The following PREX1 variants were observed in gnomAD, a reference collection of about 807,000 sequenced individuals.
The protein encoded by PREX1 is phosphatidylinositol 3,4,5-trisphosphate-dependent Rac exchanger 1 protein.
Under a neutral mutation model 198.3 loss-of-function variants are expected in PREX1, and 41 were observed. The ratio of observed to expected loss-of-function variants is 0.21; its 90% CI spans 0.16 to 0.27. The LOEUF (loss-of-function observed/expected upper bound fraction) is 0.27, where lower values mean the gene tolerates loss of function less well. Among genes scored for constraint, PREX1 ranks in the 10% least tolerant of loss-of-function variants. The pLI is 1.00. For missense variants in PREX1, 1,620 were observed against 2,200.7 expected, an observed-to-expected ratio of 0.74 and a Z score of 5.28; for synonymous variants, 843 against 887.2, an observed-to-expected ratio of 0.95 and a Z score of 0.89.
At chr20:48,788,861 G>T (rs1186625762) in intron 1 of PREX1, among the ~76,000 whole-genome samples, 1 of 152,240 alleles carries the variant, frequency 6.6e-6, no homozygotes, top group East Asian at 1.9e-4. Context: ...GTAAGAAGAG[G>T]AAGAGAAACC....
chr20:48,650,573 C>A (rs1274607501), intron 23 of PREX1, among the ~76,000 whole-genome samples: 1 of 152,246 alleles, frequency 6.6e-6, no homozygotes, highest in Non-Finnish European at 1.5e-5. Context: ...GCCAAGCCAA[C>A]CAGAACTCCC....
intron 1 of PREX1, among the ~76,000 whole-genome samples, chr20:48,807,763 G>C (rs1226144653): frequency 6.6e-6 from 1 of 152,182 alleles, no homozygotes; most frequent in Non-Finnish European, 1.5e-5. Flanking sequence ...TGCCTCTTGT[G>C]TACGTGTGAC....
At chr20:48,772,615 A>G (rs1465798443) in intron 1 of PREX1, among the ~76,000 whole-genome samples, 1 of 152,236 alleles carries the variant, frequency 6.6e-6, no homozygotes, top group African/African-American at 2.4e-5. Context: ...CAGCGGGAGG[A>G]AAGGCGACAG....
intron 1 of PREX1, among the ~76,000 whole-genome samples, chr20:48,764,367 GT>G (rs1465272942): frequency 6.6e-6 from 1 of 152,178 alleles, no homozygotes; most frequent in Non-Finnish European, 1.5e-5. Context: ...CACGGAACCT[GT>G]GAATACACCA....
chr20:48,674,503 T>C (rs975118535), intron 14 of PREX1, among the ~76,000 whole-genome samples: 2 of 152,380 alleles, frequency 1.3e-5, no homozygotes, highest in African/African-American at 4.8e-5. Flanking sequence ...TTCTCATCTT[T>C]GGGAGCCAAT....
At chr20:48,706,259 C>T (rs972494065) in intron 6 of PREX1, among the ~76,000 whole-genome samples, 6 of 152,196 alleles carry the variant, frequency 3.9e-5, no homozygotes, top group Non-Finnish European at 7.3e-5. Flanking sequence ...GCTCAATACC[C>T]TCTCCTTTGG....
intron 39 of PREX1, among the ~76,000 whole-genome samples, chr20:48,626,585 G>A (rs1297603204): frequency 3.9e-5 from 6 of 152,206 alleles, no homozygotes; most frequent in East Asian, 3.8e-4. Flanking sequence ...TGGACAGTGC[G>A]TGGCACAGGG....
intron 14 of PREX1, among the ~76,000 whole-genome samples, chr20:48,675,600 C>T (rs1393701279): frequency 6.6e-6 from 1 of 152,136 alleles, no homozygotes; most frequent in Non-Finnish European, 1.5e-5. Context: ...TAGAATGGTG[C>T]TCATCGGGAC....
At chr20:48,809,397 T>A (rs1349530950) in intron 1 of PREX1, among the ~76,000 whole-genome samples, 1 of 152,168 alleles carries the variant, frequency 6.6e-6, no homozygotes, top group Admixed American at 6.5e-5. Flanking sequence ...CCCAGCACCC[T>A]GGGGGCTTCC....
intron 29 of PREX1, among the ~76,000 whole-genome samples, chr20:48,640,758 A>G (rs35010397): frequency 0.26 from 39,273 of 151,826 alleles, 5,176 homozygotes; most frequent in South Asian, 0.39. Context: ...ATGGACAGGT[A>G]GATGATGAAT....
At chr20:48,717,572 G>A (rs112375736) in intron 5 of PREX1, among the ~76,000 whole-genome samples, 1 of 151,102 alleles carries the variant, frequency 6.6e-6, no homozygotes, top group African/African-American at 2.4e-5. Context: ...GAAGTGAAGA[G>A]CTCCCCAGCA....
At chr20:48,714,096 C>T (rs1346075352) in intron 5 of PREX1, among the ~76,000 whole-genome samples, 2 of 152,148 alleles carry the variant, frequency 1.3e-5, no homozygotes, top group Non-Finnish European at 2.9e-5. Flanking sequence ...CAAAATGGAT[C>T]ACAGACCTAA....
Position 48,701,867 on chromosome 20 carries a change from C to T in PREX1, c.784-981G>A, listed in dbSNP as rs568474780. 2.6e-5 allele frequency among the ~76,000 whole-genome samples: 4 copies of T among 152,124 alleles called. No individual in the cohort carries two copies. In the East Asian group the frequency reaches 7.7e-4, roughly 29 times the overall value. Reference sequence around the variant, plus strand: ...TGAATGTCAGTGAGGTTCCGGGCAGCGTGGCTGGGAAAGGCATCAGGGAGG... The same window carrying T: ...TGAATGTCAGTGAGGTTCCGGGCAGTGTGGCTGGGAAAGGCATCAGGGAGG... On this transcript the variant is annotated intron_variant, in intron 6 of 39. Coordinates refer to ENST00000371941, the MANE Select transcript of PREX1 (RefSeq NM_020820.4).
chr20:48,803,549 G>GTGA (rs2090397018), intron 1 of PREX1, among the ~76,000 whole-genome samples: 1 of 152,144 alleles, frequency 6.6e-6, no homozygotes, highest in East Asian at 1.9e-4. Flanking sequence ...AAGACCAGCA[G>GTGA]CACCCCAATT....
rs575723037 is a variant in PREX1 at position 48,684,232 on chromosome 20, G to A, written c.1335-2897C>T. Among the ~76,000 whole-genome samples, 8 of 152,150 alleles carry A rather than the reference G, an allele frequency of 5.3e-5. No individual in the cohort carries two copies. Among genetic ancestry groups the A allele is most frequent in the Non-Finnish European group, 1.2e-4 (8 of 68,024 alleles). Reference sequence around the variant, plus strand: ...GGAATACATTCTGCAGTCTTCCTAAGAAAGCCGCCTGAGCTCAGGCCCAAG... The same window carrying A: ...GGAATACATTCTGCAGTCTTCCTAAAAAAGCCGCCTGAGCTCAGGCCCAAG... On this transcript the variant is annotated intron_variant, in intron 10 of 39. Transcript: ENST00000371941. This position sits in a 1 kb window ranked among gnomAD's most constrained non-coding sequence, Gnocchi z 4.2.
At chr20:48,640,017 G>T in intron 29 of PREX1, 123 bp from the exon 30 acceptor site, 1 of 1,323,516 alleles carries the variant, frequency 7.6e-7, no homozygotes, top group Non-Finnish European at 1.0e-6. Context: ...AAGGGAGCTG[G>T]CAGGACTCCT....
intron 5 of PREX1, among the ~76,000 whole-genome samples, chr20:48,722,783 C>A (rs1408808025): frequency 6.6e-6 from 1 of 152,206 alleles, no homozygotes; most frequent in African/African-American, 2.4e-5. Context: ...CCAGGATGTC[C>A]CCTGCCACAC....
At chr20:48,779,861 G>T (rs564435879) in intron 1 of PREX1, among the ~76,000 whole-genome samples, 146 of 152,308 alleles carry the variant, frequency 9.6e-4, no homozygotes, top group Non-Finnish European at 1.7e-3. Flanking sequence ...ATGGGGGAAG[G>T]TGTGACTACT....
rs376072006 is a variant in PREX1, at chr20:48,723,699, C to A, written c.621+2591G>T. 2.0e-5 allele frequency among the ~76,000 whole-genome samples: 3 copies of A among 152,334 alleles called. No homozygotes were observed. The Middle Eastern group carries it at 0.01, about 518-fold the overall frequency. On this transcript the variant is annotated intron_variant, in intron 5 of 39. Coordinates refer to ENST00000371941, the MANE Select transcript of PREX1 (RefSeq NM_020820.4). The stretch of plus-strand genomic sequence containing the variant: ...CTTTTCCTGCGGGCCATTTCCTCCA[C>A]GGGTCGCCGGGCGGTTCTGCCCCTG...
Sources: gnomAD v4.1 joint callset for allele counts (sites outside exome capture counted in the v4.1 genomes callset) on GRCh38, gnomAD v4.1.1 for gene constraint, Gnocchi (gnomAD v3.1) non-coding constraint, MANE v1.5 for transcripts, NCBI Gene and HGNC (gene_info 2026-07-23, HGNC 2026-07-21) for gene names.